MYO3B: variants seen among roughly 807,000 people sequenced by gnomAD.
MYO3B encodes myosin-IIIb.
A neutral mutation model predicts 174.6 loss-of-function variants in MYO3B; 156 were observed. The observed-to-expected ratio is 0.89, with a 90% CI of 0.78 to 1.02. The LOEUF is 1.02. MYO3B is among the 50% of genes least tolerant of loss of function. MYO3B has a pLI of 0.00. For synonymous variants in MYO3B, 563 were observed against 569.1 expected (o/e 0.99, Z 0.15); for missense variants, 1,632 against 1,639.4 (o/e 1.00, Z 0.08).
chr2:170,220,462 C>G (rs149965972), intron 6 of MYO3B, among the ~76,000 whole-genome samples: 1 of 151,274 alleles, frequency 6.6e-6, no homozygotes, highest in African/African-American at 2.4e-5. Flanking sequence ...AACCCCATCT[C>G]TACTAAAAAT....
chr2:170,631,647 C>G (rs1696993338), intron 32 of MYO3B, among the ~76,000 whole-genome samples: 2 of 151,872 alleles, frequency 1.3e-5, no homozygotes, highest in Non-Finnish European at 1.5e-5. Context: ...TTAAGGGCAG[C>G]CAGAGAGAAA....
intron 1 of MYO3B, among the ~76,000 whole-genome samples, chr2:170,186,283 G>C (rs1028112788): frequency 6.7e-6 from 1 of 149,146 alleles, no homozygotes; most frequent in South Asian, 2.2e-4. Context: ...TTATTGTATT[G>C]GGGTATGTTC....
intron 29 of MYO3B, among the ~76,000 whole-genome samples, chr2:170,517,777 CA>C (rs946122605): frequency 6.6e-6 from 1 of 151,830 alleles, no homozygotes; most frequent in African/African-American, 2.4e-5. Flanking sequence ...CACAGCATTG[CA>C]AGTGAGTGTG....
At chr2:170,561,460 C>G (rs79500437) in intron 32 of MYO3B, among the ~76,000 whole-genome samples, 2,643 of 152,314 alleles carry the variant, frequency 0.017, 63 homozygotes, top group East Asian at 0.088. Flanking sequence ...TTCTTTTGCA[C>G]ATCTTTTTAC....
intron 32 of MYO3B, among the ~76,000 whole-genome samples, chr2:170,607,349 G>A (rs1020027052): frequency 5.3e-5 from 8 of 152,218 alleles, no homozygotes; most frequent in Non-Finnish European, 1.0e-4. Context: ...TCGCATTTGT[G>A]CTATACTACA....
intron 32 of MYO3B, among the ~76,000 whole-genome samples, chr2:170,589,335 A>G (rs13411147): frequency 0.019 from 2,862 of 152,280 alleles, 85 homozygotes; most frequent in African/African-American, 0.064. Flanking sequence ...GAAAAGAGTG[A>G]CACCACCTCC....
At chr2:170,562,367 A>T (rs961154888) in intron 32 of MYO3B, among the ~76,000 whole-genome samples, 1 of 152,134 alleles carries the variant, frequency 6.6e-6, no homozygotes, top group Non-Finnish European at 1.5e-5. Flanking sequence ...GATATCTCAG[A>T]TATTTTGTTT....
chr2:170,575,364 CAG>C (rs1652801316), intron 32 of MYO3B, among the ~76,000 whole-genome samples: 1 of 151,796 alleles, frequency 6.6e-6, no homozygotes, highest in African/African-American at 2.4e-5. Context: ...TGAAAGAAAC[CAG>C]AGAGTCAATA....
intron 7 of MYO3B, among the ~76,000 whole-genome samples, chr2:170,290,867 G>C (rs1244482805): frequency 7.6e-6 from 1 of 132,394 alleles, no homozygotes; most frequent in East Asian, 2.1e-4. Flanking sequence ...TTACCATGAG[G>C]CTTACAAAAA....
intron 27 of MYO3B, 114 bp downstream of exon 27, chr2:170,499,922 C>T (rs1687140190): frequency 2.7e-6 from 2 of 729,528 alleles, no homozygotes; most frequent in Middle Eastern, 4.1e-4. Context: ...TTCCTTCTCC[C>T]CTCCCTCCCT....
At chr2:170,237,537 G>GC (rs2093084824) in intron 7 of MYO3B, among the ~76,000 whole-genome samples, 1 of 151,044 alleles carries the variant, frequency 6.6e-6, no homozygotes, top group Non-Finnish European at 1.5e-5. Context: ...TTTTGGCGGG[G>GC]GGGAGGGGGG....
intron 16 of MYO3B, among the ~76,000 whole-genome samples, chr2:170,394,676 G>C (rs2105777129): frequency 6.6e-6 from 1 of 152,256 alleles, no homozygotes; most frequent in South Asian, 2.1e-4. Context: ...AATTCATACA[G>C]GAAATAAACC....
intron 8 of MYO3B, 103 bp downstream of exon 8, chr2:170,335,553 C>A: frequency 1.2e-6 from 1 of 839,866 alleles, no homozygotes; most frequent in Non-Finnish European, 1.9e-6. Context: ...GGTTGTTATG[C>A]CTGTTAGCAC....
At chr2:170,386,989 A>G (rs752050260) in intron 13 of MYO3B, 117 bp from the exon 14 acceptor site, 375 of 926,740 alleles carry the variant, frequency 4.0e-4, no homozygotes, top group Non-Finnish European at 5.4e-4. Context: ...ACGTCCCCCA[A>G]ATGGGGCTCT....
chr2:170,492,726 C>T (rs1230279800), intron 25 of MYO3B, among the ~76,000 whole-genome samples: 3 of 151,724 alleles, frequency 2.0e-5, no homozygotes, highest in Non-Finnish European at 4.4e-5. Context: ...GTCCTGCTTC[C>T]TCTGGGGGAA....
At chr2:170,249,097 A>G (rs932596834) in intron 7 of MYO3B, among the ~76,000 whole-genome samples, 4 of 152,058 alleles carry the variant, frequency 2.6e-5, no homozygotes, top group African/African-American at 4.8e-5. Context: ...CATTCTGGTA[A>G]CTCCCAAAGC....
At position 170,501,848 on chromosome 2, in the gene MYO3B, C is replaced by A; in HGVS notation, c.3353C>A (p.Ala1118Asp). 1 of 1,609,498 alleles carries A rather than the reference C, an allele frequency of 6.2e-7. No homozygotes were observed. Among genetic ancestry groups the A allele is most frequent in the East Asian group, 2.2e-5 (1 of 44,830 alleles). ...KKISNRRNES[A>D]AHNQAGDTSN... ...ATAAGCAACAGAAGGAATGAGTCTG[C>A]TGCTCATAATCAAGCAGGTAATTAA... The change falls in exon 28 of 35, where the codon GCT (alanine) becomes GAT (aspartate). Residue 1118 changes from alanine (A) to aspartate (D), a missense_variant. Ala to Asp is a moderately radical substitution (Grantham distance 126). Transcript: ENST00000408978.
In MYO3B at chr2:170,387,126, A is replaced by G. The variant is rs2094381747; in HGVS notation, c.1395A>G (p.Arg465=). The change falls in exon 14 of 35, where the codon AGA becomes AGG. Residue 465 remains arginine, a synonymous_variant. Coordinates refer to ENST00000408978, the MANE Select transcript of MYO3B (RefSeq NM_138995.5). ...FLGKANNQTL[R]EKILQVNSLV... ...CACAGGCCAATAATCAGACCTTGAG[A>G]GAGAAAATTCTACAAGTCAACTCCC... The G allele has an allele frequency of 1.9e-6, 3 of 1,613,888 alleles. No homozygotes were observed. In the African/African-American group the frequency reaches 4.0e-5, roughly 22 times the overall value.
At chr2:170,609,039 A>G (rs964858839) in intron 32 of MYO3B, among the ~76,000 whole-genome samples, 4 of 152,234 alleles carry the variant, frequency 2.6e-5, no homozygotes, top group African/African-American at 4.8e-5. Context: ...ACAGACCTTG[A>G]GATGGGATGA....
Sources: allele counts gnomAD v4.1 joint callset (sites outside exome capture counted in the v4.1 genomes callset), GRCh38; gene constraint gnomAD v4.1.1; transcripts MANE v1.5; gene names NCBI Gene and HGNC (gene_info 2026-07-23, HGNC 2026-07-21).